The following TMPRSS6 variants were observed in gnomAD, a reference collection of about 807,000 sequenced individuals.
TMPRSS6 encodes transmembrane serine protease 6, also known as transmembrane protease serine 6.
Under a neutral mutation model 101.5 loss-of-function variants are expected in TMPRSS6, and 67 were observed. The ratio of observed to expected loss-of-function variants is 0.66; its 90% CI spans 0.54 to 0.81. TMPRSS6 has a LOEUF of 0.81. Among genes scored for constraint, TMPRSS6 ranks in the 30% least tolerant of loss-of-function variants. The pLI is 0.00. For missense variants in TMPRSS6, 1,034 were observed against 1,088.7 expected, an observed-to-expected ratio of 0.95 and a Z score of 0.71; for synonymous variants, 453 against 464.9, an observed-to-expected ratio of 0.97 and a Z score of 0.33.
In TMPRSS6 at chr22:37,101,940, C is replaced by G. The variant is rs1324256746; in HGVS notation, c.202+1276G>C. On this transcript the variant is annotated intron_variant, in intron 2 of 17. Coordinates refer to ENST00000676104, the MANE Select transcript of TMPRSS6 (RefSeq NM_001374504.1). This position sits in a 1 kb window ranked among gnomAD's most constrained non-coding sequence, Gnocchi z 4.1. ...AAATGCACATGGCGTCTACTGCCTG[C>G]GTTGCTCAACTCTGGGTAGAATCAC... Among the ~76,000 whole-genome samples the G allele has an allele frequency of 2.0e-5, 3 of 152,192 alleles. No homozygotes were observed. The highest frequency in any genetic ancestry group is 7.2e-5 in the African/African-American group (3 of 41,436).
chr22:37,094,826 C>T (rs547519908), intron 6 of TMPRSS6, among the ~76,000 whole-genome samples: 12 of 152,320 alleles, frequency 7.9e-5, no homozygotes, highest in African/African-American at 2.2e-4. Flanking sequence ...GGGGTTGAGA[C>T]GCTCACCCCC....
At chr22:37,100,626 A>G (rs955710299) in intron 2 of TMPRSS6, among the ~76,000 whole-genome samples, 1 of 152,242 alleles carries the variant, frequency 6.6e-6, no homozygotes, top group East Asian at 1.9e-4. Context: ...GAAATTATGC[A>G]GAGACCTCAT....
intron 7 of TMPRSS6, among the ~76,000 whole-genome samples, chr22:37,089,268 G>T: frequency 6.6e-6 from 1 of 152,128 alleles, no homozygotes; most frequent in Non-Finnish European, 1.5e-5. Flanking sequence ...GAAAGTCCAG[G>T]CTGCAGCCAG....
intron 7 of TMPRSS6, among the ~76,000 whole-genome samples, chr22:37,088,807 C>T (rs931258212): frequency 6.6e-6 from 1 of 152,240 alleles, no homozygotes; most frequent in African/African-American, 2.4e-5. Flanking sequence ...TAATGGCTAG[C>T]GTGTAAGTGC....
rs751159954 is a variant in TMPRSS6 at position 37,070,600 on chromosome 22, G to A, written c.1725C>T (p.Ser575=). ...TGGCCTGCCATGGCCACTCACCCTC[G>A]GAGGACACAGCTCCACCAACAATGC... ...SSRIVGGAVS[S]EGEWPWQASL... The change falls in exon 15 of 18, where the codon TCC becomes TCT. Residue 575 remains serine, a synonymous_variant. Coordinates refer to ENST00000676104, the MANE Select transcript of TMPRSS6 (RefSeq NM_001374504.1). 36 of 1,613,080 alleles carry A rather than the reference G, an allele frequency of 2.2e-5. No individual in the cohort carries two copies. Among genetic ancestry groups the A allele is most frequent in the South Asian group, 1.5e-4 (14 of 91,088 alleles).
chr22:37,083,665 T>C (rs1319867860), intron 10 of TMPRSS6, among the ~76,000 whole-genome samples: 1 of 152,230 alleles, frequency 6.6e-6, no homozygotes, highest in African/African-American at 2.4e-5. Flanking sequence ...CTGGCAACGG[T>C]AGTCGCTTAG....
intron 10 of TMPRSS6, among the ~76,000 whole-genome samples, chr22:37,078,912 A>G (rs1927954038): frequency 7.2e-6 from 1 of 139,356 alleles, no homozygotes; most frequent in African/African-American, 3.2e-5. Context: ...AAGAAGAAAG[A>G]AGAAAGAGAA....
At chr22:37,102,265 T>C (rs1328252322) in intron 2 of TMPRSS6, among the ~76,000 whole-genome samples, 1 of 152,234 alleles carries the variant, frequency 6.6e-6, no homozygotes, top group African/African-American at 2.4e-5. Context: ...CTCTGTCCCA[T>C]CACATGCTAT....
At chr22:37,068,691 GGA>G (rs1568994921) in intron 16 of TMPRSS6, 2 of 779,666 alleles carry the variant, frequency 2.6e-6, no homozygotes, top group Non-Finnish European at 4.8e-6. Context: ...GCTGTTGGGT[GGA>G]TTATATGAAG....
In TMPRSS6 at chr22:37,089,561, C is replaced by T. The variant is rs758865494; in HGVS notation, c.836+17G>A. 8.3e-6 allele frequency: 13 copies of T among 1,566,312 alleles called. 1 individual carries two copies. Among genetic ancestry groups the T allele is most frequent in the Admixed American group, 6.8e-5 (4 of 58,792 alleles). ...CTTTTCCAGCCCTCCCTCCTGCCCTCCTTCCCAGGGACTCACGAGGTGATG... is the reference window on the plus strand; with the variant it reads ...CTTTTCCAGCCCTCCCTCCTGCCCTTCTTCCCAGGGACTCACGAGGTGATG... On this transcript the variant is annotated intron_variant, in intron 7 of 17. Coordinates refer to ENST00000676104, the MANE Select transcript of TMPRSS6 (RefSeq NM_001374504.1).
Position 37,075,271 on chromosome 22 carries a change from G to A in TMPRSS6, c.1206C>T (p.Gly402=), listed in dbSNP as rs146266448. 988 of 1,613,550 alleles carry A rather than the reference G, an allele frequency of 6.1e-4. 7 individuals are homozygous for A. The Middle Eastern group carries it at 0.012, about 19-fold the overall frequency. Residue 402 remains glycine (G), a synonymous_variant, in exon 11 of 18, where the codon GGC becomes GGT. Coordinates refer to ENST00000676104, the MANE Select transcript of TMPRSS6 (RefSeq NM_001374504.1). ...QWTIQNRRLC[G]LRILQPYAER... ...CGGCGTAGGGCTGCAGGATGCGCAA[G>A]CCACACAGCCTGGGGGGAGTCAGAG...
rs1930497641 is a variant in TMPRSS6, at chr22:37,103,397, G to C, written c.21C>G (p.Pro7=). The C allele has an allele frequency of 1.2e-6, 2 of 1,614,054 alleles. No homozygotes were observed. Among genetic ancestry groups the C allele is most frequent in the South Asian group, 1.1e-5 (1 of 91,088 alleles). The part of the protein sequence containing the change: MPVAEA[P]QVAGGQGDGG... ...CGTCCCCCTGCCCGCCAGCCACCTG[G>C]GGGGCCTCGGCCACGGGCATCCTGC... The change falls in exon 2 of 18, where the codon CCC becomes CCG. Residue 7 remains proline, a synonymous_variant. Transcript: ENST00000676104. This position sits in a 1 kb window ranked among gnomAD's most constrained non-coding sequence, Gnocchi z 4.4.
intron 10 of TMPRSS6, among the ~76,000 whole-genome samples, chr22:37,078,342 A>G (rs938158188): frequency 6.6e-6 from 1 of 152,232 alleles, no homozygotes; most frequent in African/African-American, 2.4e-5. Flanking sequence ...TGCCTGCTAC[A>G]GGAAGTTCTC....
intron 1 of TMPRSS6, among the ~76,000 whole-genome samples, chr22:37,108,162 A>G (rs1289921267): frequency 6.6e-6 from 1 of 152,154 alleles, no homozygotes; most frequent in Non-Finnish European, 1.5e-5. Context: ...ACATTTATGG[A>G]TTAAGAGCAG....
chr22:37,079,013 G>GAAAGAAAGAA (rs1928039343), intron 10 of TMPRSS6, among the ~76,000 whole-genome samples: 1 of 151,710 alleles, frequency 6.6e-6, no homozygotes, highest in Admixed American at 6.6e-5. Context: ...AAGAAAGAAA[G>GAAAGAAAGAA]AAAGAGAAAG....
rs139668448 is a variant in TMPRSS6 at position 37,083,859 on chromosome 22, C to T, written c.1196+436G>A. ...TGCAATGGGATTGGGCCTGGCTGTG[C>T]AGCAGGGGTTCGTGATAAGGGAGAG... On this transcript the variant is annotated intron_variant, in intron 10 of 17. Coordinates refer to ENST00000676104, the MANE Select transcript of TMPRSS6 (RefSeq NM_001374504.1). 32 of 389,394 alleles carry T rather than the reference C, an allele frequency of 8.2e-5. No homozygotes were observed. The East Asian group carries it at 1.3e-3, about 15-fold the overall frequency. The allele number at this position is 389,394 out of a possible 1,614,324, so 24.1% of individuals were successfully genotyped here. A position where few individuals can be genotyped will look rare whatever the true frequency, so the allele number is the denominator to read the frequency against.
At chr22:37,083,845 T>G in intron 10 of TMPRSS6, 3 of 352,926 alleles carry the variant, frequency 8.5e-6, no homozygotes, top group Non-Finnish European at 1.0e-5. Flanking sequence ...GCAATGGGAT[T>G]GGGCCTGGCT....
rs1413909005 is a variant in TMPRSS6, at chr22:37,068,650, A to G, written c.2113+423T>C. 1.0e-5 allele frequency: 8 copies of G among 779,678 alleles called. No individual in the cohort carries two copies. In the East Asian group the frequency reaches 1.9e-4, roughly 19 times the overall value. The allele number at this position is 779,678 out of a possible 1,614,324, so 48.3% of individuals were successfully genotyped here. ...TCTCTGAGCCTTGGTTTCTCCATCC[A>G]TAAAATAGGGCCACAGCATCCGCCC... is the stretch of plus-strand genomic sequence containing the variant. On this transcript the variant is annotated intron_variant, in intron 16 of 17. Coordinates refer to ENST00000676104, the MANE Select transcript of TMPRSS6 (RefSeq NM_001374504.1).
rs1490989137 is a variant in TMPRSS6 at position 37,075,283 on chromosome 22, G to C, written c.1197-3C>G. Reference sequence around the variant, plus strand: ...GCAGGATGCGCAAGCCACACAGCCTGGGGGGAGTCAGAGACGACTCAGGGC... The same window carrying C: ...GCAGGATGCGCAAGCCACACAGCCTCGGGGGAGTCAGAGACGACTCAGGGC... On this transcript the variant is annotated splice_region_variant and splice_polypyrimidine_tract_variant and intron_variant, in intron 10 of 17. Transcript: ENST00000676104. The C allele has an allele frequency of 2.5e-6, 4 of 1,612,560 alleles. No individual in the cohort carries two copies. The highest frequency in any genetic ancestry group is 3.4e-6 in the Non-Finnish European group (4 of 1,179,428).
Sources: gnomAD v4.1 joint callset for allele counts (sites outside exome capture counted in the v4.1 genomes callset) on GRCh38, gnomAD v4.1.1 for gene constraint, Gnocchi (gnomAD v3.1) non-coding constraint, MANE v1.5 for transcripts, NCBI Gene and HGNC (gene_info 2026-07-23, HGNC 2026-07-21) for gene names.